The following WIZ variants were observed in gnomAD, a reference collection of about 807,000 sequenced individuals.
The protein encoded by WIZ is WIZ zinc finger, also known as protein Wiz.
A neutral mutation model predicts 140.2 loss-of-function variants in WIZ; 25 were observed. The ratio of observed to expected loss-of-function variants is 0.18; its 90% CI spans 0.13 to 0.25. The LOEUF (loss-of-function observed/expected upper bound fraction) is 0.25, where lower values mean the gene tolerates loss of function less well. Among genes scored for constraint, WIZ ranks in the 10% least tolerant of loss-of-function variants. The pLI is 1.00. For synonymous variants in WIZ, 1,125 were observed against 1,154.3 expected (o/e 0.97, Z 0.51); for missense variants, 2,231 against 2,632.6 (o/e 0.85, Z 3.34).
chr19:15,429,701 G>C lies in WIZ; in HGVS notation c.3300C>G (p.Gly1100=). Residue 1100 remains glycine, a synonymous_variant, in exon 7 of 13, where the codon GGC becomes GGG. Coordinates refer to ENST00000673675, the MANE Select transcript of WIZ (RefSeq NM_001371589.1). ...LLKKTPLALA[G]SPTPKNPEDK... ...CCTCAGGATTCTTAGGGGTAGGGGA[G>C]CCCGCCAGGGCCAGTGGTGTCTTTT... is the stretch of plus-strand genomic sequence containing the variant. 1 of 1,443,398 alleles carries C rather than the reference G, an allele frequency of 6.9e-7. No homozygotes were observed. Among genetic ancestry groups the C allele is most frequent in the Non-Finnish European group, 9.1e-7 (1 of 1,101,744 alleles). The allele number at this position is 1,443,398 out of a possible 1,614,324, so 89.4% of individuals were successfully genotyped here.
chr19:15,432,078 C>A (rs2145303496), intron 5 of WIZ, among the ~76,000 whole-genome samples: 1 of 152,216 alleles, frequency 6.6e-6, no homozygotes, highest in East Asian at 1.9e-4. Context: ...AGGACTGGGG[C>A]ACCGAGGACT....
In WIZ at chr19:15,422,793, C is replaced by T. The variant is rs116206524; in HGVS notation, c.*283G>A. On this transcript the variant is annotated 3_prime_UTR_variant, in exon 13 of 13. Transcript: ENST00000673675. ...GGGGAGTGCTGTCCTCCCCTGTGAC[C>T]AGACCGGCTGCCATCAGAGACCTGG... The T allele has an allele frequency of 1.7e-3, 888 of 513,822 alleles. 7 individuals are homozygous for T. The highest frequency in any genetic ancestry group is 0.016 in the African/African-American group (810 of 52,052). 31.8% of individuals were successfully genotyped at this position (513,822 alleles called of 1,614,324 possible).
chr19:15,427,308 G>T lies in WIZ; in HGVS notation c.4040C>A (p.Ala1347Asp). 1 of 1,613,708 alleles carries T rather than the reference G, an allele frequency of 6.2e-7. No individual in the cohort carries two copies. The highest frequency in any genetic ancestry group is 8.5e-7 in the Non-Finnish European group (1 of 1,179,862). ...TGCGCCGCCCATCATCTTGGCCAGG[G>T]CTTTTGGGCTTGGCCCTGGTGGGTT... ...PPNPPGPSPK[A>D]LAKMMGGAGP... The change falls in exon 9 of 13, where the codon GCC becomes GAC. Residue 1347 changes from alanine to aspartate, a missense_variant. Transcript: ENST00000673675. This position sits in a 1 kb window ranked among gnomAD's most constrained non-coding sequence, Gnocchi z 6.4.
In WIZ at chr19:15,429,728, G is replaced by C. The variant is rs1203392462; in HGVS notation, c.3273C>G (p.Leu1091=). The change falls in exon 7 of 13, where the codon CTC becomes CTG. Residue 1091 remains leucine, a synonymous_variant. Coordinates refer to ENST00000673675, the MANE Select transcript of WIZ (RefSeq NM_001371589.1). The stretch of plus-strand genomic sequence containing the variant: ...CCGCCAGGGCCAGTGGTGTCTTTTT[G>C]AGGAGTGGAGAGCTGGGCGGGTGGC... ...GLGHPPSSPL[L]KKTPLALAGS... 6.8e-7 allele frequency: 1 copy of C among 1,463,098 alleles called. No individual in the cohort carries two copies. The highest frequency in any genetic ancestry group is 1.4e-5 in the South Asian group (1 of 73,044). 90.6% of individuals were successfully genotyped at this position (1,463,098 alleles called of 1,614,324 possible).
intron 5 of WIZ, among the ~76,000 whole-genome samples, chr19:15,435,897 C>T (rs545459378): frequency 8.7e-4 from 133 of 152,114 alleles, no homozygotes; most frequent in African/African-American, 3.1e-3. Flanking sequence ...CTGAGGCAGG[C>T]GGATCACTGG....
rs2145390566 is a variant in WIZ at position 15,442,944 on chromosome 19, G to C, written c.206-196C>G. Reference sequence around the variant, plus strand: ...TTGGAAGAGTCCCCTTGGCTCTCCTGGGGGACCCCAGGGCCTTGCTGCCTT... The same window carrying C: ...TTGGAAGAGTCCCCTTGGCTCTCCTCGGGGACCCCAGGGCCTTGCTGCCTT... On this transcript the variant is annotated intron_variant, in intron 2 of 12. Transcript: ENST00000673675. The surrounding 1 kb of genome is among the most constrained non-coding windows in gnomAD (Gnocchi z 5.5). Among the ~76,000 whole-genome samples the C allele has an allele frequency of 6.6e-6, 1 of 152,224 alleles. No individual in the cohort carries two copies. Among genetic ancestry groups the C allele is most frequent in the African/African-American group, 2.4e-5 (1 of 41,566 alleles).
In WIZ at chr19:15,424,925, C is replaced by T. The variant is rs375354474; in HGVS notation, c.5002G>A (p.Val1668Ile). The T allele has an allele frequency of 1.2e-5, 19 of 1,610,888 alleles. No homozygotes were observed. The highest frequency in any genetic ancestry group is 6.7e-5 in the Admixed American group (4 of 59,742). ...LRQFGVTEWC[V>I]NGSPIETLSE... ...AGTGTCTCGATGGGCGAGCCATTGA[C>T]GCACCACTCGGTCACGCCGAACTGC... The change falls in exon 11 of 13, where the codon GTC (valine) becomes ATC (isoleucine). Residue 1668 changes from valine to isoleucine, a missense_variant. Coordinates refer to ENST00000673675, the MANE Select transcript of WIZ (RefSeq NM_001371589.1). This position sits in a 1 kb window ranked among gnomAD's most constrained non-coding sequence, Gnocchi z 9.7.
At position 15,425,677 on chromosome 19, in the gene WIZ, T is replaced by C. The variant is rs373889917; in HGVS notation, c.4458A>G (p.Ser1486=). The C allele has an allele frequency of 2.1e-5, 34 of 1,613,140 alleles. No individual in the cohort carries two copies. The highest frequency in any genetic ancestry group is 2.7e-5 in the Non-Finnish European group (32 of 1,179,918). ...NRKGLSSHAR[S]HLRQMGVTEW... ...CGGTCACACCCATCTGCCGCAGGTGTGAGCGCGCGTGACTCGACAGGCCCT... is the reference window on the plus strand; with the variant it reads ...CGGTCACACCCATCTGCCGCAGGTGCGAGCGCGCGTGACTCGACAGGCCCT... Residue 1486 remains serine, a synonymous_variant, in exon 10 of 13, where the codon TCA becomes TCG. Coordinates refer to ENST00000673675, the MANE Select transcript of WIZ (RefSeq NM_001371589.1).
At chr19:15,423,737 G>A (rs1402152142) in intron 12 of WIZ, among the ~76,000 whole-genome samples, 5 of 152,198 alleles carry the variant, frequency 3.3e-5, no homozygotes, top group East Asian at 1.9e-4. Context: ...GTCCCAGTTC[G>A]CTGCTCTTCA....
chr19:15,449,082 C>A (rs2145425382), intron 1 of WIZ, among the ~76,000 whole-genome samples: 1 of 152,260 alleles, frequency 6.6e-6, no homozygotes. Context: ...TTGCTCTAGT[C>A]CTCGGGCGAA....
intron 2 of WIZ, among the ~76,000 whole-genome samples, chr19:15,447,648 C>T (rs139603974): frequency 7.5e-4 from 114 of 152,278 alleles, no homozygotes; most frequent in African/African-American, 2.6e-3. Context: ...TAGCCAGCAT[C>T]GCTGACTACC....
Position 15,439,127 on chromosome 19 carries a change from C to T in WIZ, c.1867G>A (p.Glu623Lys). Residue 623 changes from glutamate to lysine, a missense_variant, in exon 4 of 13, where the codon GAG becomes AAG. This residue lies in a region of WIZ where 475 missense variants were observed against 520.2 expected (regional missense o/e 0.91). Transcript: ENST00000673675. This position sits in a 1 kb window ranked among gnomAD's most constrained non-coding sequence, Gnocchi z 7.0. ...TCGGAGGTCAGCACTACATCCTCCT[C>T]CTCCTCCTCCTCCTCCTCCTCTTCG... ...WSEEEEEEEE[E>K]EDVVLTSEMD... The T allele has an allele frequency of 2.0e-6, 2 of 993,204 alleles. No individual in the cohort carries two copies. Among genetic ancestry groups the T allele is most frequent in the Non-Finnish European group, 2.8e-6 (2 of 712,980 alleles). 61.5% of individuals were successfully genotyped at this position (993,204 alleles called of 1,614,324 possible).
At chr19:15,430,118 C>CT in intron 6 of WIZ, 29 bp from the exon 7 acceptor site, 2 of 1,487,730 alleles carry the variant, frequency 1.3e-6, no homozygotes, top group South Asian at 2.6e-5. Flanking sequence ...GCCGGGAGAG[C>CT]AGGCTGTGAG....
At position 15,424,328 on chromosome 19, in the gene WIZ, C is replaced by G; in HGVS notation, c.5365G>C (p.Gly1789Arg). ...TGCTGTAGGTCATTGGTGTCCTCGC[C>G]TCCCCGGGCTGCGGAGGCATCTGGA... ...RPPDASAARG[G>R]EDTNDLQQKL... The change falls in exon 12 of 13, where the codon GGC becomes CGC. Residue 1789 changes from glycine (G) to arginine (R), a missense_variant. By Grantham distance (125) the Gly-to-Arg change is moderately radical. Around this residue, in one of 15 missense-constraint regions of WIZ, gnomAD observed 299 missense variants for 309.6 expected, o/e 0.97. Transcript: ENST00000673675. This position sits in a 1 kb window ranked among gnomAD's most constrained non-coding sequence, Gnocchi z 9.7. 1.2e-6 allele frequency: 2 copies of G among 1,604,282 alleles called. No individual in the cohort carries two copies. Among genetic ancestry groups the G allele is most frequent in the Non-Finnish European group, 1.7e-6 (2 of 1,177,192 alleles).
chr19:15,443,178 T>A (rs1484295094), intron 2 of WIZ, among the ~76,000 whole-genome samples: 1 of 152,230 alleles, frequency 6.6e-6, no homozygotes, highest in Non-Finnish European at 1.5e-5. Context: ...TTCAAGCGAT[T>A]CTCCTACCTT....
intron 10 of WIZ, 95 bp from the exon 11 acceptor site, chr19:15,425,127 A>G (rs757288291): frequency 2.0e-6 from 3 of 1,517,092 alleles, no homozygotes; most frequent in Non-Finnish European, 2.6e-6. Context: ...CCCGCCTCCC[A>G]CACAGACCCA....
Position 15,438,964 on chromosome 19 carries a change from T to C in WIZ, c.2030A>G (p.Gln677Arg). 1.4e-6 allele frequency: 2 copies of C among 1,451,492 alleles called. No homozygotes were observed. Among genetic ancestry groups the C allele is most frequent in the Non-Finnish European group, 9.0e-7 (1 of 1,104,994 alleles). 89.9% of individuals were successfully genotyped at this position (1,451,492 alleles called of 1,614,324 possible). The change falls in exon 4 of 13, where the codon CAG becomes CGG. Residue 677 changes from glutamine to arginine, a missense_variant. Transcript: ENST00000673675. The stretch of plus-strand genomic sequence containing the variant: ...CACAATGGGTACCATCCCTCGGAGC[T>C]GCTGCTGCTGCCCCTGGGTGGCCTC... The part of the protein sequence containing the change: ...AVEATQGQQQ[Q>R]LRGMVPIVLV...
chr19:15,447,657 C>T (rs1490783192), intron 2 of WIZ, among the ~76,000 whole-genome samples: 2 of 152,180 alleles, frequency 1.3e-5, no homozygotes, highest in African/African-American at 4.8e-5. Flanking sequence ...TCGCTGACTA[C>T]CCAGCCTCTC....
At chr19:15,437,994 G>C (rs1969578207) in intron 4 of WIZ, among the ~76,000 whole-genome samples, 1 of 150,544 alleles carries the variant, frequency 6.6e-6, no homozygotes. Context: ...CTAGTGCGTA[G>C]ACACACACAC....
Sources: allele counts gnomAD v4.1 joint callset (sites outside exome capture counted in the v4.1 genomes callset), GRCh38; gene constraint gnomAD v4.1.1; regional missense constraint gnomAD v4.1.1; non-coding constraint Gnocchi (gnomAD v3.1); transcripts MANE v1.5; gene names NCBI Gene and HGNC (gene_info 2026-07-23, HGNC 2026-07-21).